CPPED1: variants seen among roughly 807,000 people sequenced by gnomAD.
CPPED1 encodes the protein calcineurin like phosphoesterase domain containing 1.
CPPED1 carries 28 observed loss-of-function variants against 28.0 expected under a neutral mutation model. That is an observed-to-expected ratio of 1.00 (90% CI 0.74 to 1.37). The LOEUF is 1.37. Among genes scored for constraint, CPPED1 ranks in the 40% most tolerant of loss-of-function variants. The pLI is 0.00. For synonymous variants in CPPED1, 198 were observed against 180.2 expected (o/e 1.10, Z -0.79); for missense variants, 504 against 416.5 (o/e 1.21, Z -1.83).
intron 3 of CPPED1, among the ~76,000 whole-genome samples, chr16:12,678,357 C>T (rs906343427): frequency 6.6e-6 from 1 of 152,190 alleles, no homozygotes; most frequent in Admixed American, 6.5e-5. Context: ...TAACTCAGAT[C>T]TAATTCAACT....
rs898782181 is a variant in CPPED1, at chr16:12,781,896, G to C, written c.71-493C>G. Among the ~76,000 whole-genome samples the C allele has an allele frequency of 2.0e-5, 3 of 152,030 alleles. No homozygotes were observed. In the East Asian group the frequency reaches 5.8e-4, roughly 29 times the overall value. On this transcript the variant is annotated intron_variant, in intron 1 of 3. Transcript: ENST00000381774. ...CAGAATTTTAATTATAAAACTTGGCGCTTGGAAGCTCTGGCTATCTGGTGG... is the reference window on the plus strand; with the variant it reads ...CAGAATTTTAATTATAAAACTTGGCCCTTGGAAGCTCTGGCTATCTGGTGG...
chr16:12,775,727 G>A (rs2080493985), intron 2 of CPPED1, among the ~76,000 whole-genome samples: 1 of 152,182 alleles, frequency 6.6e-6, no homozygotes, highest in African/African-American at 2.4e-5. Context: ...GCTGCAAAAC[G>A]AAGCGCACAA....
chr16:12,766,574 G>A (rs1370531570), intron 2 of CPPED1, among the ~76,000 whole-genome samples: 3 of 152,064 alleles, frequency 2.0e-5, no homozygotes, highest in African/African-American at 7.3e-5. Flanking sequence ...GGGAATTATG[G>A]AAGTACAATT....
chr16:12,771,864 T>C (rs1460002920), intron 2 of CPPED1, among the ~76,000 whole-genome samples: 1 of 152,212 alleles, frequency 6.6e-6, no homozygotes, highest in Non-Finnish European at 1.5e-5. Flanking sequence ...GGCTCATGTA[T>C]GTAATCCCAG....
chr16:12,704,943 G>A lies in CPPED1; in HGVS notation c.396C>T (p.Asn132=). ...CCTCGACGGTCTCGGCCGTGGGGGT[G>A]TTGCCAATGTCATGGTTGCCGCTGA... ...VLVSGNHDIG[N]TPTAETVEEF... Residue 132 remains asparagine, a synonymous_variant, in exon 3 of 4, where the codon AAC becomes AAT. Transcript: ENST00000381774. The A allele has an allele frequency of 6.2e-7, 1 of 1,614,200 alleles. No individual in the cohort carries two copies. Among genetic ancestry groups the A allele is most frequent in the Non-Finnish European group, 8.5e-7 (1 of 1,180,044 alleles).
chr16:12,681,813 C>G (rs1284348737), intron 3 of CPPED1, among the ~76,000 whole-genome samples: 1 of 152,102 alleles, frequency 6.6e-6, no homozygotes, highest in Non-Finnish European at 1.5e-5. Flanking sequence ...CCCACTTCCA[C>G]CCACCGCATC....
chr16:12,681,332 C>G (rs2079903796), intron 3 of CPPED1, among the ~76,000 whole-genome samples: 1 of 152,048 alleles, frequency 6.6e-6, no homozygotes, highest in Non-Finnish European at 1.5e-5. Context: ...TGAATTTGGC[C>G]AGGCCCCTTT....
intron 1 of CPPED1, among the ~76,000 whole-genome samples, chr16:12,800,772 T>C (rs2080654769): frequency 6.6e-6 from 1 of 152,068 alleles, no homozygotes; most frequent in African/African-American, 2.4e-5. Context: ...ATCCTTCCCT[T>C]TCCCATCCTG....
At chr16:12,732,628 C>T (rs977933750) in intron 2 of CPPED1, among the ~76,000 whole-genome samples, 2 of 151,978 alleles carry the variant, frequency 1.3e-5, no homozygotes, top group Non-Finnish European at 1.5e-5. Flanking sequence ...ACCCTGGATG[C>T]AAAGAGAAGA....
At chr16:12,790,797 C>A (rs1204923571) in intron 1 of CPPED1, among the ~76,000 whole-genome samples, 1 of 151,408 alleles carries the variant, frequency 6.6e-6, no homozygotes, top group Non-Finnish European at 1.5e-5. Context: ...GGCATGGTGG[C>A]ATGCACCTGT....
intron 2 of CPPED1, among the ~76,000 whole-genome samples, chr16:12,723,906 G>A (rs1297012443): frequency 6.6e-6 from 1 of 152,080 alleles, no homozygotes; most frequent in Non-Finnish European, 1.5e-5. Flanking sequence ...CCACCCAGCT[G>A]CCTGACTCAG....
intron 1 of CPPED1, 88 bp downstream of exon 1, chr16:12,803,619 G>A: frequency 1.2e-5 from 14 of 1,163,274 alleles, no homozygotes; most frequent in East Asian, 3.1e-5. Context: ...GTGTCCGACT[G>A]GCGGAGCGCA....
At chr16:12,668,478 C>A (rs1271201903) in intron 3 of CPPED1, among the ~76,000 whole-genome samples, 1 of 152,126 alleles carries the variant, frequency 6.6e-6, no homozygotes, top group African/African-American at 2.4e-5. Context: ...AATGTTTGGG[C>A]ATAGCAGTCA....
chr16:12,780,658 C>A (rs2080524800), intron 2 of CPPED1, among the ~76,000 whole-genome samples: 1 of 151,440 alleles, frequency 6.6e-6, no homozygotes, highest in South Asian at 2.1e-4. Context: ...ACCAAGCTGA[C>A]CCCCTAGATC....
At chr16:12,748,882 C>CAAAAAAA (rs35776807) in intron 2 of CPPED1, among the ~76,000 whole-genome samples, 1 of 135,022 alleles carries the variant, frequency 7.4e-6, no homozygotes. Context: ...GACTCCATCT[C>CAAAAAAA]AAAAAAAAAA....
intron 1 of CPPED1, among the ~76,000 whole-genome samples, chr16:12,785,290 C>G (rs1310778282): frequency 6.6e-6 from 1 of 152,080 alleles, no homozygotes; most frequent in African/African-American, 2.4e-5. Flanking sequence ...GGCTTTGTCA[C>G]CAAAGCTAGA....
At chr16:12,758,733 G>A (rs2080388767) in intron 2 of CPPED1, among the ~76,000 whole-genome samples, 1 of 152,124 alleles carries the variant, frequency 6.6e-6, no homozygotes, top group Non-Finnish European at 1.5e-5. Context: ...TGATTATACA[G>A]TTTACTACAA....
intron 1 of CPPED1, 69 bp from the exon 2 acceptor site, chr16:12,781,472 C>T (rs2080531564): frequency 7.1e-7 from 1 of 1,412,548 alleles, no homozygotes; most frequent in Non-Finnish European, 9.8e-7. Context: ...AACCAGCTTC[C>T]CATGCAAAGT....
At chr16:12,722,013 T>C (rs1168950279) in intron 2 of CPPED1, among the ~76,000 whole-genome samples, 1 of 152,082 alleles carries the variant, frequency 6.6e-6, no homozygotes, top group African/African-American at 2.4e-5. Flanking sequence ...AGCAAACCAA[T>C]GTTCTCTGAG....
Sources: allele counts gnomAD v4.1 joint callset (sites outside exome capture counted in the v4.1 genomes callset), GRCh38; gene constraint gnomAD v4.1.1; transcripts MANE v1.5; gene names NCBI Gene and HGNC (gene_info 2026-07-23, HGNC 2026-07-21).